The following DUSP29 variants were observed in gnomAD, a reference collection of about 807,000 sequenced individuals.
DUSP29 encodes dual specificity phosphatase 29, also known as atypical dual-specific protein phosphatase.
Under a neutral mutation model 13.5 loss-of-function variants are expected in DUSP29, and 12 were observed. That is an observed-to-expected ratio of 0.89 (90% CI 0.57 to 1.44). The LOEUF (loss-of-function observed/expected upper bound fraction) is 1.44. Among genes scored for constraint, DUSP29 ranks in the 40% most tolerant of loss-of-function variants. The pLI is 0.00. For synonymous variants in DUSP29, 134 were observed against 128.7 expected, an observed-to-expected ratio of 1.04 and a Z score of -0.28; for missense variants, 308 against 301.1, an observed-to-expected ratio of 1.02 and a Z score of -0.17.
chr10:75,056,485 G>T (rs1012799529), intron 2 of DUSP29, among the ~76,000 whole-genome samples: 4 of 150,410 alleles, frequency 2.7e-5, no homozygotes, highest in African/African-American at 9.8e-5. Context: ...CCGAGATTGC[G>T]CCATTGAGGG....
At chr10:75,071,394 G>T (rs971995759) in intron 1 of DUSP29, among the ~76,000 whole-genome samples, 11 of 152,150 alleles carry the variant, frequency 7.2e-5, no homozygotes, top group African/African-American at 2.7e-4. Context: ...GGACTCAACT[G>T]GGCCTCCCTG....
rs1846488793 is a variant in DUSP29 at position 75,037,493 on chromosome 10, T to C, written c.*343A>G. On this transcript the variant is annotated 3_prime_UTR_variant, in exon 4 of 4. Transcript: ENST00000338487. ...TTCCTTTCAGACAAAGCCAAACGTT[T>C]AATCACAACATACTGCCTACACATT... is the stretch of plus-strand genomic sequence containing the variant. 6.6e-6 allele frequency among the ~76,000 whole-genome samples: 1 copy of C among 152,258 alleles called. No homozygotes were observed. Among genetic ancestry groups the C allele is most frequent in the Non-Finnish European group, 1.5e-5 (1 of 68,056 alleles).
intron 1 of DUSP29, among the ~76,000 whole-genome samples, chr10:75,071,407 G>A (rs1202383216): frequency 1.3e-5 from 2 of 152,164 alleles, no homozygotes; most frequent in Non-Finnish European, 2.9e-5. Context: ...CCTCCCTGGG[G>A]CTGCTGGAAG....
chr10:75,048,438 G>T (rs1404043222), intron 2 of DUSP29, among the ~76,000 whole-genome samples: 1 of 150,722 alleles, frequency 6.6e-6, no homozygotes, highest in Non-Finnish European at 1.5e-5. Flanking sequence ...TGTCGCCCAG[G>T]CTGGAGTGCA....
At chr10:75,054,402 T>G (rs1846911453) in intron 2 of DUSP29, among the ~76,000 whole-genome samples, 1 of 152,218 alleles carries the variant, frequency 6.6e-6, no homozygotes. Context: ...ATGAATGCTC[T>G]TCTGTTCATC....
chr10:75,071,039 G>T (rs1847317258), intron 1 of DUSP29, among the ~76,000 whole-genome samples: 1 of 152,216 alleles, frequency 6.6e-6, no homozygotes, highest in African/African-American at 2.4e-5. Context: ...GTTGAGAGGA[G>T]TAGGAGAGTG....
Position 75,043,854 on chromosome 10 carries a change from T to A in DUSP29, c.364A>T (p.Ser122Cys). 1 of 1,613,954 alleles carries A rather than the reference T, an allele frequency of 6.2e-7. No individual in the cohort carries two copies. Among genetic ancestry groups the A allele is most frequent in the South Asian group, 1.1e-5 (1 of 91,074 alleles). ...GCTGCCGCCGGGTAGAAGAAGACAC[T>A]GAGGTCGAAGGTGGGCAGGTCGTCG... ...EADDLPTFDLSVFFYPAAAFI... is the reference protein window; with the variant it reads ...EADDLPTFDLCVFFYPAAAFI... Residue 122 changes from serine (S) to cysteine (C), a missense_variant, in exon 3 of 4, where the codon AGT becomes TGT. Coordinates refer to ENST00000338487, the MANE Select transcript of DUSP29 (RefSeq NM_001003892.3).
At chr10:75,070,839 C>G (rs1847313381) in intron 1 of DUSP29, among the ~76,000 whole-genome samples, 1 of 152,230 alleles carries the variant, frequency 6.6e-6, no homozygotes, top group Admixed American at 6.5e-5. Flanking sequence ...GCTAGGAGAT[C>G]TGACCCCCTC....
chr10:75,073,171 A>T (rs1484674498), intron 1 of DUSP29, among the ~76,000 whole-genome samples: 1 of 152,022 alleles, frequency 6.6e-6, no homozygotes, highest in Non-Finnish European at 1.5e-5. Flanking sequence ...TGCCCTACAC[A>T]GGATCCGAGT....
At chr10:75,058,784 T>C (rs1847023132) in intron 1 of DUSP29, among the ~76,000 whole-genome samples, 1 of 152,226 alleles carries the variant, frequency 6.6e-6, no homozygotes, top group Non-Finnish European at 1.5e-5. Context: ...GCTGGGGTCC[T>C]TGGACGTGGG....
intron 1 of DUSP29, among the ~76,000 whole-genome samples, chr10:75,062,498 CA>C (rs1847112130): frequency 6.6e-6 from 1 of 152,126 alleles, no homozygotes; most frequent in Non-Finnish European, 1.5e-5. Context: ...GATTTCCAGA[CA>C]AAGGAGGAAG....
In DUSP29 at chr10:75,043,839, G is replaced by C. The variant is rs1293657390; in HGVS notation, c.379C>G (p.Pro127Ala). 1 of 1,613,862 alleles carries C rather than the reference G, an allele frequency of 6.2e-7. No homozygotes were observed. The highest frequency in any genetic ancestry group is 2.2e-5 in the East Asian group (1 of 44,884). ...GCTCTGTCGATGAAGGCTGCCGCCG[G>C]GTAGAAGAAGACACTGAGGTCGAAG... ...PTFDLSVFFYPAAAFIDRALS... is the reference protein window; with the variant it reads ...PTFDLSVFFYAAAAFIDRALS... The change falls in exon 3 of 4, where the codon CCG becomes GCG. Residue 127 changes from proline (P) to alanine (A), a missense_variant. Coordinates refer to ENST00000338487, the MANE Select transcript of DUSP29 (RefSeq NM_001003892.3).
intron 3 of DUSP29, among the ~76,000 whole-genome samples, chr10:75,039,632 G>C (rs886986427): frequency 6.6e-6 from 1 of 152,190 alleles, no homozygotes; most frequent in Admixed American, 6.5e-5. Flanking sequence ...CTGTTACCCT[G>C]CACCACGCTC....
rs572563034 is a variant in DUSP29 at position 75,043,838 on chromosome 10, G to C, written c.380C>G (p.Pro127Arg). 1.8e-5 allele frequency: 29 copies of C among 1,613,730 alleles called. 1 individual carries two copies. The South Asian group carries it at 2.2e-4, about 12-fold the overall frequency. Residue 127 changes from proline to arginine, a missense_variant, in exon 3 of 4, where the codon CCG becomes CGG. Coordinates refer to ENST00000338487, the MANE Select transcript of DUSP29 (RefSeq NM_001003892.3). Reference protein sequence around the residue: ...PTFDLSVFFYPAAAFIDRALS... With the variant: ...PTFDLSVFFYRAAAFIDRALS... ...CGCTCTGTCGATGAAGGCTGCCGCC[G>C]GGTAGAAGAAGACACTGAGGTCGAA...
intron 3 of DUSP29, among the ~76,000 whole-genome samples, chr10:75,043,431 T>C (rs923212157): frequency 1.6e-4 from 25 of 152,320 alleles, no homozygotes; most frequent in African/African-American, 6.0e-4. Flanking sequence ...TAGCAAAGAC[T>C]CCGACCAAAA....
At chr10:75,041,226 A>T (rs1012064446) in intron 3 of DUSP29, among the ~76,000 whole-genome samples, 13 of 152,186 alleles carry the variant, frequency 8.5e-5, no homozygotes, top group African/African-American at 3.1e-4. Context: ...AGTCTGTGGC[A>T]TTGCTGCTGC....
At chr10:75,056,159 C>T (rs1390750177) in intron 2 of DUSP29, among the ~76,000 whole-genome samples, 1 of 152,090 alleles carries the variant, frequency 6.6e-6, no homozygotes, top group African/African-American at 2.4e-5. Context: ...GATCCTCCTG[C>T]CTCAGCCTCC....
intron 1 of DUSP29, among the ~76,000 whole-genome samples, chr10:75,071,113 C>G (rs976267841): frequency 2.6e-5 from 4 of 152,240 alleles, no homozygotes; most frequent in African/African-American, 9.6e-5. Flanking sequence ...CCCCGAAACT[C>G]TGAGGCACGC....
intron 3 of DUSP29, among the ~76,000 whole-genome samples, chr10:75,040,251 T>C (rs1033860580): frequency 6.6e-6 from 1 of 152,210 alleles, no homozygotes; most frequent in African/African-American, 2.4e-5. Flanking sequence ...AGAATCAACC[T>C]CCTGCTTGAA....
Sources: allele counts gnomAD v4.1 joint callset (sites outside exome capture counted in the v4.1 genomes callset), GRCh38; gene constraint gnomAD v4.1.1; transcripts MANE v1.5; gene names NCBI Gene and HGNC (gene_info 2026-07-23, HGNC 2026-07-21).